Variants in HMGN5 observed in about 807,000 individuals in gnomAD.
The protein encoded by HMGN5 is high mobility group nucleosome binding domain 5, also known as high mobility group nucleosome-binding domain-containing protein 5.
HMGN5 carries 4 observed loss-of-function variants against 9.5 expected under a neutral mutation model. The observed-to-expected ratio is 0.42, with a 90% confidence interval of 0.21 to 0.96. The LOEUF is 0.96. Among genes scored for constraint, HMGN5 ranks in the 40% least tolerant of loss-of-function variants. HMGN5 has a pLI of 0.30. For synonymous variants in HMGN5, 55 were observed against 57.1 expected (o/e 0.96, Z 0.16); for missense variants, 192 against 187.5 (o/e 1.02, Z -0.14).
chrX:81,118,344 A>C (rs1984020955), intron 5 of HMGN5, 88 bp downstream of exon 5: 3 of 514,992 alleles, frequency 5.8e-6, no homozygotes, highest in Non-Finnish European at 9.6e-6. Flanking sequence ...AATATAAGCA[A>C]AGTAAAATGA....
chrX:81,154,388 G>C (rs1268637540), intron 1 of HMGN5, among the ~76,000 whole-genome samples: 1 of 110,999 alleles, frequency 9.0e-6, no homozygotes, highest in Non-Finnish European at 1.9e-5. Flanking sequence ...ACTTAAATCT[G>C]ACCCTTCAAG....
intron 1 of HMGN5, among the ~76,000 whole-genome samples, chrX:81,174,859 T>C (rs765180764): frequency 6.5e-4 from 72 of 111,618 alleles, no homozygotes; most frequent in Non-Finnish European, 1.3e-3. Flanking sequence ...TTATCTGCTT[T>C]ATAGTATATG....
intron 1 of HMGN5, among the ~76,000 whole-genome samples, chrX:81,137,727 A>C (rs754446661): frequency 8.0e-5 from 9 of 111,815 alleles, no homozygotes; most frequent in Non-Finnish European, 1.3e-4. Flanking sequence ...GAAGTCGAAA[A>C]CAGAAAAACA....
At chrX:81,145,785 C>T (rs1332821471) in intron 1 of HMGN5, among the ~76,000 whole-genome samples, 1 of 110,045 alleles carries the variant, frequency 9.1e-6, no homozygotes. Context: ...AACATAGGCT[C>T]AAAATAAAGG....
At chrX:81,177,280 T>C (rs1208868516) in intron 1 of HMGN5, among the ~76,000 whole-genome samples, 3 of 98,963 alleles carry the variant, frequency 3.0e-5, no homozygotes. Flanking sequence ...AATAAAATCC[T>C]TTACAGACAA....
chrX:81,195,404 C>T (rs2075505182), intron 1 of HMGN5: 1 of 110,844 alleles, frequency 9.0e-6, no homozygotes, highest in Non-Finnish European at 1.9e-5. Context: ...TAGATGGTAC[C>T]CAGCCAGACT....
intron 1 of HMGN5, among the ~76,000 whole-genome samples, chrX:81,188,757 G>A (rs1348985130): frequency 1.8e-5 from 2 of 110,329 alleles, no homozygotes; most frequent in African/African-American, 6.6e-5. Flanking sequence ...ATAGTTTGCT[G>A]AGAATGATGG....
At chrX:81,136,486 T>A (rs928086303) in intron 1 of HMGN5, among the ~76,000 whole-genome samples, 3 of 111,668 alleles carry the variant, frequency 2.7e-5, no homozygotes, top group African/African-American at 9.8e-5. Context: ...GAGACTGTGA[T>A]AAGTCACATA....
chrX:81,147,504 G>A (rs1391904278), intron 1 of HMGN5, among the ~76,000 whole-genome samples: 1 of 111,519 alleles, frequency 9.0e-6, no homozygotes, highest in African/African-American at 3.3e-5. Flanking sequence ...ATCTATTTAT[G>A]ACAAACCCAC....
chrX:81,177,810 G>C (rs2075447863), intron 1 of HMGN5, among the ~76,000 whole-genome samples: 1 of 111,376 alleles, frequency 9.0e-6, no homozygotes, highest in African/African-American at 3.3e-5. Context: ...CCACATAATT[G>C]GAAGAAAAAC....
intron 1 of HMGN5, among the ~76,000 whole-genome samples, chrX:81,155,291 T>C (rs1821518834): frequency 9.6e-6 from 1 of 104,410 alleles, no homozygotes; most frequent in Admixed American, 1.1e-4. Flanking sequence ...ATAATATAAT[T>C]ATAAAATATA....
At chrX:81,175,801 C>T (rs2075439878) in intron 1 of HMGN5, among the ~76,000 whole-genome samples, 1 of 111,566 alleles carries the variant, frequency 9.0e-6, no homozygotes, top group African/African-American at 3.3e-5. Context: ...AATTGTGAGG[C>T]CTCTCCCAGC....
rs2075253196 is a variant in HMGN5, at chrX:81,116,252, T to C, written c.219A>G (p.Glu73=). The C allele has an allele frequency of 1.7e-6, 2 of 1,197,590 alleles. No homozygotes were observed. The highest frequency in any genetic ancestry group is 5.9e-5 in the East Asian group (2 of 33,733). The change falls in exon 6 of 7, where the codon GAA becomes GAG. Residue 73 remains glutamate (E), a synonymous_variant. Coordinates refer to ENST00000358130, the MANE Select transcript of HMGN5 (RefSeq NM_030763.3). ...TTTTAGCATTTTCATTGTAGTCTTCTTCAACAACTGCTTCTTGCTTGGTTT... is the reference window on the plus strand; with the variant it reads ...TTTTAGCATTTTCATTGTAGTCTTCCTCAACAACTGCTTCTTGCTTGGTTT... ...VAETKQEAVV[E]EDYNENAKNG...
In HMGN5 at chrX:81,114,552, G is replaced by C; in HGVS notation, c.*97C>G. 1 of 776,786 alleles carries C rather than the reference G, an allele frequency of 1.3e-6. No homozygotes were observed. The highest frequency in any genetic ancestry group is 1.7e-6 in the Non-Finnish European group (1 of 585,003). 64.0% of individuals were successfully genotyped at this position (776,786 alleles called of 1,213,427 possible). On this transcript the variant is annotated 3_prime_UTR_variant, in exon 7 of 7. Transcript: ENST00000358130. ...GAAATTAAATCAATGCTAAAGAAAG[G>C]CTGTGTTTATAAAATTTTTGATAAA...
intron 1 of HMGN5, among the ~76,000 whole-genome samples, chrX:81,133,429 T>A (rs1441657429): frequency 1.8e-5 from 2 of 111,333 alleles, no homozygotes; most frequent in Non-Finnish European, 3.8e-5. Context: ...GCAGCACTAT[T>A]CACAACAGCA....
intron 1 of HMGN5, among the ~76,000 whole-genome samples, chrX:81,189,769 T>A (rs904804581): frequency 6.2e-5 from 7 of 112,075 alleles, no homozygotes; most frequent in African/African-American, 2.3e-4. Context: ...CTGGGTAATA[T>A]GGTATGAGTA....
At chrX:81,148,540 C>A (rs1454709345) in intron 1 of HMGN5, among the ~76,000 whole-genome samples, 1 of 111,598 alleles carries the variant, frequency 9.0e-6, no homozygotes, top group Non-Finnish European at 1.9e-5. Flanking sequence ...AGAAGATAAC[C>A]TAGGCAATAC....
chrX:81,134,063 G>A (rs189167923), intron 1 of HMGN5, among the ~76,000 whole-genome samples: 2 of 111,370 alleles, frequency 1.8e-5, no homozygotes, highest in East Asian at 5.6e-4. Context: ...ATTTATTAAT[G>A]ATGAAACTAT....
chrX:81,166,813 A>G (rs1200996270), intron 1 of HMGN5, among the ~76,000 whole-genome samples: 1 of 111,365 alleles, frequency 9.0e-6, no homozygotes, highest in Non-Finnish European at 1.9e-5. Flanking sequence ...GAACTTTAGA[A>G]AGGTTCAAGC....
Sources: gnomAD v4.1 joint callset for allele counts (sites outside exome capture counted in the v4.1 genomes callset) on GRCh38, gnomAD v4.1.1 for gene constraint, MANE v1.5 for transcripts, NCBI Gene and HGNC (gene_info 2026-07-23, HGNC 2026-07-21) for gene names.